SPIDR: variants seen among roughly 807,000 people sequenced by gnomAD.
The protein encoded by SPIDR is scaffold protein involved in DNA repair.
Under a neutral mutation model 104.6 loss-of-function variants are expected in SPIDR, and 93 were observed. The ratio of observed to expected loss-of-function variants is 0.89; its 90% CI spans 0.75 to 1.06. The LOEUF (loss-of-function observed/expected upper bound fraction) is 1.06, where lower values mean the gene tolerates loss of function less well. SPIDR is among the 50% of genes least tolerant of loss of function. The pLI, the probability that SPIDR is intolerant of heterozygous loss-of-function variation, is 0.00. For missense variants in SPIDR, 1,154 were observed against 1,111.2 expected (o/e 1.04, Z -0.55); for synonymous variants, 431 against 416.9 (o/e 1.03, Z -0.41).
rs76586310 is a variant in SPIDR at position 47,425,137 on chromosome 8, T to A, written c.878-15186T>A. Among the ~76,000 whole-genome samples the A allele has an allele frequency of 5.9e-5, 9 of 152,296 alleles. No individual in the cohort carries two copies. The East Asian group carries it at 1.7e-3, about 29-fold the overall frequency. On this transcript the variant is annotated intron_variant, in intron 7 of 19. Transcript: ENST00000297423. ...ATCATCCAGATGAAAATTTTATATATGCTCATATTTCTGTGTTTATTCTTG... is the reference window on the plus strand; with the variant it reads ...ATCATCCAGATGAAAATTTTATATAAGCTCATATTTCTGTGTTTATTCTTG...
intron 8 of SPIDR, among the ~76,000 whole-genome samples, chr8:47,591,553 AG>A (rs1207192218): frequency 2.6e-5 from 4 of 151,934 alleles, no homozygotes; most frequent in Non-Finnish European, 5.9e-5. Flanking sequence ...CTTTTTTTGA[AG>A]GGGGGAATCT....
chr8:47,475,154 A>G (rs1003969020), intron 8 of SPIDR, among the ~76,000 whole-genome samples: 2 of 152,182 alleles, frequency 1.3e-5, no homozygotes, highest in African/African-American at 4.8e-5. Flanking sequence ...TGAAACAGCA[A>G]TATTGTCCTC....
At chr8:47,275,258 C>CA (rs878874805) in intron 1 of SPIDR, among the ~76,000 whole-genome samples, 39 of 131,238 alleles carry the variant, frequency 3.0e-4, no homozygotes, top group East Asian at 8.6e-4. Context: ...GACTCAGTCT[C>CA]AAAAAAAAAA....
intron 7 of SPIDR, among the ~76,000 whole-genome samples, chr8:47,416,868 A>T (rs528574068): frequency 1.3e-5 from 2 of 151,210 alleles, no homozygotes; most frequent in Non-Finnish European, 3.0e-5. Flanking sequence ...GAGTGAGAAC[A>T]CGCGGTGTTT....
intron 5 of SPIDR, among the ~76,000 whole-genome samples, chr8:47,345,082 T>A (rs1180659784): frequency 6.6e-6 from 1 of 152,240 alleles, no homozygotes; most frequent in Non-Finnish European, 1.5e-5. Context: ...CTTCTAGGGT[T>A]TTTATGGTTT....
chr8:47,577,630 T>G (rs1232863651), intron 8 of SPIDR, among the ~76,000 whole-genome samples: 2 of 152,214 alleles, frequency 1.3e-5, no homozygotes, highest in Non-Finnish European at 2.9e-5. Context: ...TGCAGATTTT[T>G]GTATCCGCGG....
chr8:47,632,015 A>G (rs1303865347), intron 10 of SPIDR, among the ~76,000 whole-genome samples: 1 of 152,162 alleles, frequency 6.6e-6, no homozygotes, highest in Admixed American at 6.5e-5. Context: ...AGAATTCTGC[A>G]CACACATCCC....
chr8:47,264,432 C>G (rs1308982147), intron 1 of SPIDR, among the ~76,000 whole-genome samples: 1 of 152,004 alleles, frequency 6.6e-6, no homozygotes, highest in Non-Finnish European at 1.5e-5. Flanking sequence ...TTAGGGCAGT[C>G]AGTTGCTCAA....
chr8:47,426,553 T>G (rs1554685072), intron 7 of SPIDR, among the ~76,000 whole-genome samples: 1 of 152,236 alleles, frequency 6.6e-6, no homozygotes, highest in Non-Finnish European at 1.5e-5. Context: ...TATTAAAGTT[T>G]TATTCTTTAG....
chr8:47,626,301 G>A (rs1203849061), intron 10 of SPIDR, among the ~76,000 whole-genome samples: 4 of 152,092 alleles, frequency 2.6e-5, no homozygotes, highest in Admixed American at 6.6e-5. Flanking sequence ...GAAAACCTAG[G>A]CAATACCATT....
chr8:47,344,739 A>C (rs1554616407), intron 5 of SPIDR, among the ~76,000 whole-genome samples: 1 of 152,014 alleles, frequency 6.6e-6, no homozygotes, highest in African/African-American at 2.4e-5. Flanking sequence ...GCATTTTTTC[A>C]TGTGTCTGTT....
At chr8:47,454,351 A>G (rs1288072119) in intron 8 of SPIDR, among the ~76,000 whole-genome samples, 1 of 152,186 alleles carries the variant, frequency 6.6e-6, no homozygotes, top group Non-Finnish European at 1.5e-5. Flanking sequence ...GCTGGAAGCC[A>G]TCATTCTCAG....
chr8:47,656,478 A>T (rs1380459350), intron 10 of SPIDR, among the ~76,000 whole-genome samples: 1 of 152,224 alleles, frequency 6.6e-6, no homozygotes, highest in Non-Finnish European at 1.5e-5. Flanking sequence ...AGTCACTAGG[A>T]TGGCAATAAT....
intron 8 of SPIDR, among the ~76,000 whole-genome samples, chr8:47,574,478 C>T (rs1033781237): frequency 1.3e-4 from 20 of 152,096 alleles, no homozygotes; most frequent in Non-Finnish European, 2.8e-4. Flanking sequence ...GTTCTACAGG[C>T]CGGATGTGGT....
chr8:47,362,314 TGAAA>T (rs1227179655), intron 5 of SPIDR, among the ~76,000 whole-genome samples: 8 of 152,174 alleles, frequency 5.3e-5, no homozygotes, highest in Non-Finnish European at 1.2e-4. Flanking sequence ...GCCGCAGAGT[TGAAA>T]ACTCCCTAAG....
chr8:47,342,287 C>T (rs1181580719), intron 5 of SPIDR, among the ~76,000 whole-genome samples: 7 of 149,890 alleles, frequency 4.7e-5, no homozygotes, highest in African/African-American at 1.7e-4. Flanking sequence ...AGATTCTCTT[C>T]CTCATATTTC....
At chr8:47,368,061 G>T (rs1347603694) in intron 5 of SPIDR, among the ~76,000 whole-genome samples, 5 of 152,076 alleles carry the variant, frequency 3.3e-5, no homozygotes, top group African/African-American at 1.2e-4. Context: ...AGCAGATTTG[G>T]TGTCTGGTGA....
At chr8:47,319,571 T>A (rs1297534743) in intron 5 of SPIDR, among the ~76,000 whole-genome samples, 10 of 152,202 alleles carry the variant, frequency 6.6e-5, no homozygotes, top group Non-Finnish European at 7.4e-5. Flanking sequence ...CCAGGTATTG[T>A]ACTCAACTCT....
chr8:47,603,790 A>G (rs1263343626), intron 10 of SPIDR, among the ~76,000 whole-genome samples: 6 of 152,232 alleles, frequency 3.9e-5, no homozygotes, highest in African/African-American at 9.6e-5. Context: ...CCTTTGCAAG[A>G]GGACAGAACG....
Sources: gnomAD v4.1 joint callset for allele counts (sites outside exome capture counted in the v4.1 genomes callset) on GRCh38, gnomAD v4.1.1 for gene constraint, MANE v1.5 for transcripts, NCBI Gene and HGNC (gene_info 2026-07-23, HGNC 2026-07-21) for gene names.